NEU3: variants seen among roughly 807,000 people sequenced by gnomAD.
NEU3 encodes the protein neuraminidase 3.
In NEU3, 10 loss-of-function variants were observed where a neutral mutation model predicts 11.4. The observed-to-expected ratio is 0.88, with a 90% confidence interval of 0.54 to 1.49. NEU3 has a LOEUF of 1.49. Among genes scored for constraint, NEU3 ranks in the 40% most tolerant of loss-of-function variants. The pLI, the probability that NEU3 is intolerant of heterozygous loss-of-function variation, is 0.00. For missense variants in NEU3, 529 were observed against 581.8 expected (o/e 0.91, Z 0.93); for synonymous variants, 212 against 228.2 (o/e 0.93, Z 0.64).
chr11:75,012,115 C>T (rs753831501), downstream of NEU3, among the ~76,000 whole-genome samples: 6 of 152,134 alleles, frequency 3.9e-5, no homozygotes, highest in South Asian at 4.1e-4. Flanking sequence ...GTCCAGTTTC[C>T]GTCTGCATGC....
chr11:75,019,901 C>A (rs1217726243), downstream of NEU3, among the ~76,000 whole-genome samples: 1 of 152,192 alleles, frequency 6.6e-6, no homozygotes, highest in Non-Finnish European at 1.5e-5. Flanking sequence ...TGACAACTTG[C>A]ACCGTGCACC....
At chr11:75,012,346 A>G (rs1450418404), downstream of NEU3, among the ~76,000 whole-genome samples, 1 of 152,204 alleles carries the variant, frequency 6.6e-6, no homozygotes, top group Non-Finnish European at 1.5e-5. Flanking sequence ...ATATGGTGTC[A>G]TTTCAGAAAA....
the NEU3 span, among the ~76,000 whole-genome samples, chr11:74,981,730 T>G: frequency 6.6e-6 from 1 of 152,160 alleles, no homozygotes; most frequent in Non-Finnish European, 1.5e-5. Flanking sequence ...TGTGAAAATT[T>G]TAGTAATGAA....
At chr11:74,983,841 C>T (rs147755654), upstream of NEU3, among the ~76,000 whole-genome samples, 203 of 152,186 alleles carry the variant, frequency 1.3e-3, no homozygotes, top group Admixed American at 2.9e-3. Flanking sequence ...TGTCTCAGAC[C>T]GAGTACAGGG....
At chr11:75,013,024 CT>C (rs1948965390), downstream of NEU3, among the ~76,000 whole-genome samples, 1 of 151,638 alleles carries the variant, frequency 6.6e-6, no homozygotes, top group African/African-American at 2.4e-5. Context: ...TGACAAATTA[CT>C]TTAAATACTA....
upstream of NEU3, among the ~76,000 whole-genome samples, chr11:74,986,616 T>G (rs1363233999): frequency 2.6e-5 from 4 of 152,224 alleles, no homozygotes; most frequent in East Asian, 7.7e-4. Context: ...TTCTCATCTC[T>G]GTTGTATCCC....
At chr11:74,983,517 C>T (rs765309760), upstream of NEU3, among the ~76,000 whole-genome samples, 4 of 152,212 alleles carry the variant, frequency 2.6e-5, no homozygotes, top group East Asian at 1.9e-4. Flanking sequence ...AGATAGGCAC[C>T]TCTTAGGCTG....
chr11:74,990,068 T>G, intron 1 of NEU3: 2 of 700,070 alleles, frequency 2.9e-6, no homozygotes, highest in Non-Finnish European at 5.2e-6. Flanking sequence ...ATGGCTCTAA[T>G]TGTTATAGTG....
upstream of NEU3, among the ~76,000 whole-genome samples, chr11:74,986,781 T>C (rs1210376229): frequency 6.6e-6 from 1 of 152,244 alleles, no homozygotes; most frequent in Non-Finnish European, 1.5e-5. Context: ...TATTCTGTTC[T>C]TATTTTCATC....
At chr11:74,980,949 G>C in the NEU3 span, among the ~76,000 whole-genome samples, 1 of 152,248 alleles carries the variant, frequency 6.6e-6, no homozygotes, top group African/African-American at 2.4e-5. Context: ...GAGCTTGAAA[G>C]AAGGGAAATT....
downstream of NEU3, among the ~76,000 whole-genome samples, chr11:75,020,629 C>T (rs1233182641): frequency 2.0e-5 from 3 of 152,212 alleles, no homozygotes; most frequent in Admixed American, 1.3e-4. Flanking sequence ...GTGAGGCTTC[C>T]TTAGCCACGT....
At chr11:74,989,837 A>G (rs1308573390) in intron 1 of NEU3, 1 of 631,902 alleles carries the variant, frequency 1.6e-6, no homozygotes, top group East Asian at 2.7e-5. Context: ...ACTCTCTCCC[A>G]GTAAGAAAGC....
chr11:75,000,236 T>C (rs1948829113), intron 2 of NEU3, among the ~76,000 whole-genome samples: 1 of 152,226 alleles, frequency 6.6e-6, no homozygotes, highest in Non-Finnish European at 1.5e-5. Flanking sequence ...AAAAAATTAA[T>C]TGTAGTAAAA....
chr11:75,017,536 T>C (rs1765928888), intron 3 of NEU3, among the ~76,000 whole-genome samples: 1 of 152,200 alleles, frequency 6.6e-6, no homozygotes. Context: ...CCTTTTCTAA[T>C]TAGCACAGGG....
intron 2 of NEU3, 67 bp downstream of exon 2, chr11:74,994,787 G>C: frequency 1.4e-6 from 2 of 1,426,028 alleles, no homozygotes; most frequent in Non-Finnish European, 2.0e-6. Flanking sequence ...AGCTCTTCAG[G>C]ATCTGTGCCT....
chr11:74,990,579 C>T (rs55772834), intron 1 of NEU3, among the ~76,000 whole-genome samples: 1 of 152,010 alleles, frequency 6.6e-6, no homozygotes, highest in Non-Finnish European at 1.5e-5. Flanking sequence ...AGGGTGGTCT[C>T]GAACTCCTGA....
chr11:74,989,825 A>G (rs1591750207), intron 1 of NEU3: 3 of 621,502 alleles, frequency 4.8e-6, no homozygotes, highest in East Asian at 5.5e-5. Flanking sequence ...ATGCTAGGCT[A>G]TACTCTCTCC....
upstream of NEU3, among the ~76,000 whole-genome samples, chr11:74,983,333 T>C (rs1173825403): frequency 6.6e-6 from 1 of 152,218 alleles, no homozygotes; most frequent in Non-Finnish European, 1.5e-5. Context: ...TAGAGAGATG[T>C]AGTCTAAAAG....
At chr11:75,013,391 T>G (rs1265755469), downstream of NEU3, among the ~76,000 whole-genome samples, 2 of 152,242 alleles carry the variant, frequency 1.3e-5, no homozygotes, top group African/African-American at 2.4e-5. Context: ...AAGATTTGAC[T>G]GTTGGATGCT....
Sources: allele counts gnomAD v4.1 joint callset (sites outside exome capture counted in the v4.1 genomes callset), GRCh38; gene constraint gnomAD v4.1.1; transcripts MANE v1.5; gene names NCBI Gene and HGNC (gene_info 2026-07-23, HGNC 2026-07-21).